ESPL1: variants seen among roughly 807,000 people sequenced by gnomAD.
ESPL1 encodes extra spindle pole bodies like 1, separase, also known as separin.
In ESPL1, 50 loss-of-function variants were observed where a neutral mutation model predicts 217.2. The ratio of observed to expected loss-of-function variants is 0.23; its 90% confidence interval spans 0.18 to 0.29. The LOEUF (loss-of-function observed/expected upper bound fraction) is 0.29, where lower values mean the gene tolerates loss of function less well. ESPL1 is among the 10% of genes least tolerant of loss of function. ESPL1 has a pLI of 1.00. For synonymous variants in ESPL1, 994 were observed against 1,081.3 expected, an observed-to-expected ratio of 0.92 and a Z score of 1.58; for missense variants, 1,834 against 2,603.0, an observed-to-expected ratio of 0.70 and a Z score of 6.43.
In ESPL1 at chr12:53,268,798, C is replaced by T; in HGVS notation, c.32C>T (p.Thr11Ile). 2 of 1,612,804 alleles carry T rather than the reference C, an allele frequency of 1.2e-6. No individual in the cohort carries two copies. Among genetic ancestry groups the T allele is most frequent in the Non-Finnish European group, 1.7e-6 (2 of 1,179,610 alleles). Residue 11 changes from threonine to isoleucine, a missense_variant, in exon 2 of 31, where the codon ACT (threonine) becomes ATT (isoleucine). Transcript: ENST00000257934. Reference sequence around the variant, plus strand: ...AGCTTCAAAAGAGTCAACTTTGGGACTCTGCTAAGCAGCCAGAAGGAGGCT... The same window carrying T: ...AGCTTCAAAAGAGTCAACTTTGGGATTCTGCTAAGCAGCCAGAAGGAGGCT... MRSFKRVNFG[T>I]LLSSQKEAEE...
In ESPL1 at chr12:53,287,772, C is replaced by G. The variant is rs1262864302; in HGVS notation, c.4177-200C>G. On this transcript the variant is annotated intron_variant, in intron 18 of 30. Transcript: ENST00000257934. ...ACCTTTTCATCCCACCTTCTGTTCC[C>G]TCATTTTCTCCCTCCTTCCACACCC... 3 of 520,416 alleles carry G rather than the reference C, an allele frequency of 5.8e-6. No individual in the cohort carries two copies. In the Admixed American group the frequency reaches 1.1e-4, roughly 19 times the overall value. The allele number at this position is 520,416 out of a possible 1,614,324, so 32.2% of individuals were successfully genotyped here.
chr12:53,289,638 ATCT>A (rs766948335), intron 22 of ESPL1, 44 bp downstream of exon 22: 5 of 1,536,372 alleles, frequency 3.3e-6, no homozygotes, highest in East Asian at 2.3e-5. Context: ...CCTCTTCTGC[ATCT>A]TCTTACTTGG....
Position 53,282,334 on chromosome 12 carries a change from G to A in ESPL1, c.2690G>A (p.Trp897Ter), listed in dbSNP as rs749200880. The change falls in exon 14 of 31, where the codon TGG becomes TAG. Residue 897 changes from tryptophan (W) to a stop codon, truncating the protein, a stop_gained. Coordinates refer to ENST00000257934, the MANE Select transcript of ESPL1 (RefSeq NM_012291.5). LOFTEE classifies it high-confidence loss of function. The surrounding 1 kb of genome is among the most constrained non-coding windows in gnomAD (Gnocchi z 4.0). ...GCCCTCCAGAAGTCCTCCAAGGCTT[G>A]GTACTTGCTGCGTGTCCAGGTCCTG... ...DPALQKSSKA[W>*]YLLRVQVLQL... The A allele has an allele frequency of 6.2e-7, 1 of 1,614,108 alleles. No homozygotes were observed. The highest frequency in any genetic ancestry group is 1.1e-5 in the South Asian group (1 of 91,078).
Position 53,286,177 on chromosome 12 carries a change from C to T in ESPL1, c.3441C>T (p.Asp1147=). The T allele has an allele frequency of 1.2e-6, 2 of 1,614,282 alleles. No individual in the cohort carries two copies. The highest frequency in any genetic ancestry group is 1.3e-5 in the African/African-American group (1 of 75,068). Residue 1147 remains aspartate (D), a synonymous_variant, in exon 18 of 31, where the codon GAC becomes GAT. Coordinates refer to ENST00000257934, the MANE Select transcript of ESPL1 (RefSeq NM_012291.5). The surrounding 1 kb of genome is among the most constrained non-coding windows in gnomAD (Gnocchi z 5.3). ...TCCTGTCCCATTCACCCACCTGTGACTGCTCGCTCTGCGCCAGCCCTGTCC... is the reference window on the plus strand; with the variant it reads ...TCCTGTCCCATTCACCCACCTGTGATTGCTCGCTCTGCGCCAGCCCTGTCC... ...PNFLSHSPTC[D]CSLCASPVLT... is the part of the protein sequence containing the mutation.
Position 53,277,957 on chromosome 12 carries a change from A to G in ESPL1, c.2361A>G (p.Ala787=). 6.2e-7 allele frequency: 1 copy of G among 1,613,466 alleles called. No individual in the cohort carries two copies. Among genetic ancestry groups the G allele is most frequent in the Non-Finnish European group, 8.5e-7 (1 of 1,179,886 alleles). Residue 787 remains alanine (A), a synonymous_variant, in exon 11 of 31, where the codon GCA becomes GCG. Coordinates refer to ENST00000257934, the MANE Select transcript of ESPL1 (RefSeq NM_012291.5). ...TAGCAGCCCTCTACCAGCTGGTGGC[A>G]AAGGTAATGGGGTGGGGCATTGAGG... The part of the protein sequence containing the change: ...QILAALYQLV[A]KPMQALEVLL...
intron 2 of ESPL1, 64 bp from the exon 3 acceptor site, chr12:53,268,960 T>C: frequency 6.7e-7 from 1 of 1,502,092 alleles, no homozygotes; most frequent in South Asian, 1.1e-5. Context: ...ACCCTATTTC[T>C]AGTTACTTTC....
At chr12:53,272,488 G>C (rs1290672220) in intron 5 of ESPL1, among the ~76,000 whole-genome samples, 1 of 152,174 alleles carries the variant, frequency 6.6e-6, no homozygotes, top group East Asian at 1.9e-4. Context: ...TGAGGCAGGA[G>C]GGGGTCTCGT....
chr12:53,287,829 C>G (rs1352453447), intron 18 of ESPL1, 143 bp from the exon 19 acceptor site: 7 of 764,896 alleles, frequency 9.2e-6, no homozygotes, highest in Non-Finnish European at 1.5e-5. Context: ...AGAGTGTTGG[C>G]TGTCATGTGA....
At chr12:53,291,019 G>A (rs528373512) in intron 25 of ESPL1, 23 bp downstream of exon 25, 15 of 1,556,842 alleles carry the variant, frequency 9.6e-6, no homozygotes, top group Middle Eastern at 2.1e-4. Flanking sequence ...AGCAGGGAAG[G>A]GGGCCAGGCC....
chr12:53,276,966 TG>T, intron 8 of ESPL1, 107 bp downstream of exon 8: 1 of 1,554,200 alleles, frequency 6.4e-7, no homozygotes, highest in Non-Finnish European at 8.7e-7. Context: ...CCCTTCATCT[TG>T]TGGCCATGGG....
Position 53,291,766 on chromosome 12 carries a change from C to T in ESPL1, c.5597C>T (p.Pro1866Leu). The stretch of plus-strand genomic sequence containing the variant: ...GCCTACGGGCTGTGCCCAACCCAGC[C>T]AGAGCGAGCCCAGGAGCTCCTGAAT... ...ALAYGLCPTQ[P>L]ERAQELLNEA... Residue 1866 changes from proline to leucine, a missense_variant, in exon 26 of 31, where the codon CCA (proline) becomes CTA (leucine). Pro to Leu is a moderately conservative substitution (Grantham distance 98, BLOSUM62 -3). This residue lies in a region of ESPL1 where 295 missense variants were observed against 519.8 expected (regional missense o/e 0.57). Transcript: ENST00000257934. The T allele has an allele frequency of 6.2e-7, 1 of 1,613,116 alleles. No individual in the cohort carries two copies. The highest frequency in any genetic ancestry group is 8.5e-7 in the Non-Finnish European group (1 of 1,179,654).
intron 7 of ESPL1, among the ~76,000 whole-genome samples, chr12:53,276,284 C>A (rs1043087201): frequency 2.6e-5 from 4 of 152,062 alleles, no homozygotes; most frequent in Non-Finnish European, 5.9e-5. Flanking sequence ...AAAGTGGGAA[C>A]AAACTTGGGA....
intron 11 of ESPL1, among the ~76,000 whole-genome samples, chr12:53,279,263 A>G (rs1433166468): frequency 6.6e-6 from 1 of 152,224 alleles, no homozygotes; most frequent in Admixed American, 6.5e-5. Context: ...ACTCCACATT[A>G]GGAAACAAAC....
rs371461220 is a variant in ESPL1, at chr12:53,271,172, G to GGTTTTTTTTTTTTT, written c.1369+374_1369+375insGTTTTTTTTTTTTT. 1.7e-5 allele frequency among the ~76,000 whole-genome samples: 2 copies of GGTTTTTTTTTTTTT among 117,754 alleles called. 1 individual carries two copies. Among genetic ancestry groups the GGTTTTTTTTTTTTT allele is most frequent in the African/African-American group, 6.5e-5 (2 of 30,576 alleles). The allele number at this position is 117,754 out of a possible 152,430, so 77.3% of individuals were successfully genotyped here. A position where few individuals can be genotyped will look rare whatever the true frequency, so the allele number is the denominator to read the frequency against. Reference sequence around the variant, plus strand: ...AAATGACCTTTCTGTATATTTAAGTGTTTTTTTTTTTTTTTTTTTGAGACA... The same window carrying GGTTTTTTTTTTTTT: ...AAATGACCTTTCTGTATATTTAAGTGGTTTTTTTTTTTTTTTTTTTTTTTTTTTTTTTTGAGACA... On this transcript the variant is annotated intron_variant, in intron 5 of 30. Coordinates refer to ENST00000257934, the MANE Select transcript of ESPL1 (RefSeq NM_012291.5).
chr12:53,270,025 G>A lies in ESPL1; in HGVS notation c.1083G>A (p.Leu361=). 1 of 1,614,160 alleles carries A rather than the reference G, an allele frequency of 6.2e-7. No homozygotes were observed. The highest frequency in any genetic ancestry group is 8.5e-7 in the Non-Finnish European group (1 of 1,180,004). ...TKRRYRLDAI[L]SLFAFLGGYC... is the part of the protein sequence containing the mutation. ...GGCGCTATAGACTTGATGCCATTCTGAGCCTCTTTGCTTTTCTTGGAGGGT... is the reference window on the plus strand; with the variant it reads ...GGCGCTATAGACTTGATGCCATTCTAAGCCTCTTTGCTTTTCTTGGAGGGT... The change falls in exon 3 of 31, where the codon CTG becomes CTA. Residue 361 remains leucine, a synonymous_variant. Transcript: ENST00000257934.
intron 17 of ESPL1, among the ~76,000 whole-genome samples, chr12:53,284,714 G>C (rs1943916821): frequency 6.6e-6 from 1 of 151,542 alleles, no homozygotes; most frequent in African/African-American, 2.4e-5. Flanking sequence ...ATTTAAATTT[G>C]ATTTAGATAA....
At position 53,282,125 on chromosome 12, in the gene ESPL1, C is replaced by T; in HGVS notation, c.2620-139C>T. ...CTAGGTCCAGGGAGATCTCGAAAGCCAGGCAAATATTCAGAAAATTCTAAA... is the reference window on the plus strand; with the variant it reads ...CTAGGTCCAGGGAGATCTCGAAAGCTAGGCAAATATTCAGAAAATTCTAAA... On this transcript the variant is annotated intron_variant, in intron 13 of 30. Coordinates refer to ENST00000257934, the MANE Select transcript of ESPL1 (RefSeq NM_012291.5). The surrounding 1 kb of genome is among the most constrained non-coding windows in gnomAD (Gnocchi z 4.0). 1 of 703,718 alleles carries T rather than the reference C, an allele frequency of 1.4e-6. No individual in the cohort carries two copies. The highest frequency in any genetic ancestry group is 2.6e-5 in the Admixed American group (1 of 39,162). The allele number at this position is 703,718 out of a possible 1,614,324, so 43.6% of individuals were successfully genotyped here.
intron 6 of ESPL1, among the ~76,000 whole-genome samples, chr12:53,273,836 G>GTTTTTTTTTTTTTT (rs71096001): frequency 6.3e-5 from 4 of 63,166 alleles, no homozygotes; most frequent in African/African-American, 2.3e-4. Flanking sequence ...TGGTTTTTTG[G>GTTTTTTTTTTTTTT]TTTTTTTTTT....
intron 13 of ESPL1, among the ~76,000 whole-genome samples, chr12:53,281,894 G>A (rs1321484833): frequency 2.6e-5 from 4 of 152,202 alleles, no homozygotes; most frequent in Admixed American, 6.5e-5. Flanking sequence ...ATCCTGGGAA[G>A]GCATGGGAGC....
Sources: gnomAD v4.1 joint callset for allele counts (sites outside exome capture counted in the v4.1 genomes callset) on GRCh38, gnomAD v4.1.1 for gene constraint, gnomAD v4.1.1 regional missense constraint, Gnocchi (gnomAD v3.1) non-coding constraint, MANE v1.5 for transcripts, NCBI Gene and HGNC (gene_info 2026-07-23, HGNC 2026-07-21) for gene names.